Variants in CD86 observed in about 807,000 individuals in gnomAD.
CD86 encodes the protein T-lymphocyte activation antigen CD86.
A neutral mutation model predicts 32.1 loss-of-function variants in CD86; 11 were observed. The ratio of observed to expected loss-of-function variants is 0.34; its 90% CI spans 0.22 to 0.57. The LOEUF (loss-of-function observed/expected upper bound fraction) is 0.57. Ranked by LOEUF, CD86 falls within the 20% of genes least tolerant of loss-of-function variation. The pLI is 0.86. For missense variants in CD86, 359 were observed against 398.4 expected (o/e 0.90, Z 0.84); for synonymous variants, 137 against 135.3 (o/e 1.01, Z -0.09).
intron 5 of CD86, among the ~76,000 whole-genome samples, chr3:122,110,122 A>G (rs900264552): frequency 2.0e-5 from 3 of 152,222 alleles, no homozygotes; most frequent in African/African-American, 7.2e-5. Context: ...GTTATACTAA[A>G]TGTAGCAAGA....
chr3:122,086,208 A>T (rs891480419), intron 1 of CD86, among the ~76,000 whole-genome samples: 12 of 152,146 alleles, frequency 7.9e-5, no homozygotes, highest in African/African-American at 2.9e-4. Flanking sequence ...CTGAAAGACT[A>T]CCTCAATAAA....
At chr3:122,113,390 ATAG>A (rs2073203693) in intron 5 of CD86, among the ~76,000 whole-genome samples, 1 of 152,242 alleles carries the variant, frequency 6.6e-6, no homozygotes, top group African/African-American at 2.4e-5. Flanking sequence ...GCTGAATTAA[ATAG>A]TAGAGTTCTA....
intron 1 of CD86, among the ~76,000 whole-genome samples, chr3:122,068,389 AC>A (rs760427654): frequency 8.5e-5 from 13 of 152,190 alleles, no homozygotes; most frequent in Non-Finnish European, 1.5e-4. Flanking sequence ...AGCAAGTTTT[AC>A]GTTTAGAATA....
chr3:122,102,161 A>G (rs2073019977), intron 2 of CD86, among the ~76,000 whole-genome samples: 1 of 152,050 alleles, frequency 6.6e-6, no homozygotes. Context: ...CTTTCAAGAG[A>G]AACCACATCA....
chr3:122,082,442 T>C (rs561107193), intron 1 of CD86, among the ~76,000 whole-genome samples: 5 of 152,370 alleles, frequency 3.3e-5, no homozygotes, highest in African/African-American at 1.2e-4. Flanking sequence ...CATTATTCAC[T>C]AGTGAACCTT....
chr3:122,057,842 T>C (rs2072262050), intron 1 of CD86, among the ~76,000 whole-genome samples: 1 of 152,250 alleles, frequency 6.6e-6, no homozygotes, highest in Non-Finnish European at 1.5e-5. Context: ...ACTCTTCCCT[T>C]ATTTTACAGA....
chr3:122,115,020 G>A (rs2073229036), intron 5 of CD86, among the ~76,000 whole-genome samples: 2 of 152,286 alleles, frequency 1.3e-5, no homozygotes, highest in Admixed American at 1.3e-4. Flanking sequence ...GTCATAGCCA[G>A]AGAAACAAGA....
At chr3:122,099,783 T>A (rs2072967970) in intron 2 of CD86, among the ~76,000 whole-genome samples, 1 of 152,236 alleles carries the variant, frequency 6.6e-6, no homozygotes, top group Admixed American at 6.5e-5. Context: ...TTCTCAGTCA[T>A]ACTAGCTATG....
At chr3:122,061,900 A>G (rs1017214036) in intron 1 of CD86, among the ~76,000 whole-genome samples, 4 of 152,212 alleles carry the variant, frequency 2.6e-5, no homozygotes, top group African/African-American at 9.6e-5. Context: ...ATGAATATTT[A>G]TACCAGCTTT....
intron 1 of CD86, among the ~76,000 whole-genome samples, chr3:122,074,653 C>G (rs2072532928): frequency 1.3e-5 from 2 of 152,158 alleles, no homozygotes; most frequent in African/African-American, 4.8e-5. Context: ...GTTTCTGGCT[C>G]TGGCACATGG....
At chr3:122,117,912 G>C in intron 5 of CD86, 136 bp from the exon 6 acceptor site, 1 of 692,834 alleles carries the variant, frequency 1.4e-6, no homozygotes. Flanking sequence ...TGCATCATTT[G>C]AGTAACTATC....
At chr3:122,062,171 T>C (rs963866523) in intron 1 of CD86, among the ~76,000 whole-genome samples, 3 of 152,180 alleles carry the variant, frequency 2.0e-5, no homozygotes, top group Non-Finnish European at 4.4e-5. Flanking sequence ...ATATTCTCCT[T>C]TTACAAATTA....
intron 1 of CD86, among the ~76,000 whole-genome samples, chr3:122,091,172 G>A (rs143613164): frequency 1.1e-4 from 17 of 152,258 alleles, no homozygotes; most frequent in African/African-American, 4.1e-4. Flanking sequence ...GATCAGTTGT[G>A]GGAGAGGTGT....
chr3:122,088,926 T>C (rs1487468427), intron 1 of CD86, among the ~76,000 whole-genome samples: 2 of 152,156 alleles, frequency 1.3e-5, no homozygotes, highest in Non-Finnish European at 2.9e-5. Context: ...TGGAAGCAAC[T>C]CAAATGTCCA....
intron 1 of CD86, among the ~76,000 whole-genome samples, chr3:122,072,752 A>G (rs1040071658): frequency 1.3e-5 from 2 of 152,004 alleles, no homozygotes; most frequent in African/African-American, 4.8e-5. Flanking sequence ...CCATTTGTCA[A>G]TTTTGGCTTT....
At position 122,083,416 on chromosome 3, in the gene CD86, A is replaced by T. The variant is rs182768070; in HGVS notation, c.15-8185A>T. Among the ~76,000 whole-genome samples the T allele has an allele frequency of 1.4e-3, 208 of 152,206 alleles. 1 individual carries two copies. The highest frequency in any genetic ancestry group is 2.4e-3 in the Non-Finnish European group (161 of 68,006). On this transcript the variant is annotated intron_variant, in intron 1 of 6. Coordinates refer to ENST00000330540, the MANE Select transcript of CD86 (RefSeq NM_175862.5). ...CTTCTCTCACGTGCCCTCCTGCCTC[A>T]GCGCCTTTGCATATGCTGTTCCCTT... is the stretch of plus-strand genomic sequence containing the variant.
At chr3:122,114,570 G>A (rs2073222494) in intron 5 of CD86, among the ~76,000 whole-genome samples, 1 of 152,102 alleles carries the variant, frequency 6.6e-6, no homozygotes, top group Non-Finnish European at 1.5e-5. Context: ...AAAAGACATT[G>A]CAAGAAAAGA....
intron 1 of CD86, among the ~76,000 whole-genome samples, chr3:122,060,845 C>T (rs2072322811): frequency 6.6e-6 from 1 of 151,968 alleles, no homozygotes; most frequent in Non-Finnish European, 1.5e-5. Flanking sequence ...GGTAAAGCCT[C>T]TGGTGAATCT....
At chr3:122,118,957 C>G (rs946750715) in intron 6 of CD86, among the ~76,000 whole-genome samples, 4 of 152,156 alleles carry the variant, frequency 2.6e-5, no homozygotes, top group Admixed American at 2.6e-4. Flanking sequence ...ACTGCATACC[C>G]ATAGGATCAA....
Sources: gnomAD v4.1 joint callset for allele counts (sites outside exome capture counted in the v4.1 genomes callset) on GRCh38, gnomAD v4.1.1 for gene constraint, MANE v1.5 for transcripts, NCBI Gene and HGNC (gene_info 2026-07-23, HGNC 2026-07-21) for gene names.